MRPL48: variants seen among roughly 807,000 people sequenced by gnomAD.
MRPL48 encodes the protein mitochondrial ribosomal protein L48.
Under a neutral mutation model 32.9 loss-of-function variants are expected in MRPL48, and 16 were observed. The ratio of observed to expected loss-of-function variants is 0.49; its 90% CI spans 0.33 to 0.74. MRPL48 has a LOEUF of 0.74. MRPL48 is among the 30% of genes least tolerant of loss of function. The pLI is 0.02. For missense variants in MRPL48, 206 were observed against 245.3 expected, an observed-to-expected ratio of 0.84 and a Z score of 1.07; for synonymous variants, 94 against 89.2, an observed-to-expected ratio of 1.05 and a Z score of -0.31.
intron 3 of MRPL48, among the ~76,000 whole-genome samples, chr11:73,822,844 C>T (rs1042908821): frequency 1.3e-5 from 2 of 152,196 alleles, no homozygotes; most frequent in Admixed American, 1.3e-4. Context: ...CTCCCCATCA[C>T]TCAAGCTATC....
intron 4 of MRPL48, among the ~76,000 whole-genome samples, chr11:73,830,220 G>A (rs1947969052): frequency 6.6e-6 from 1 of 152,174 alleles, no homozygotes; most frequent in Non-Finnish European, 1.5e-5. Flanking sequence ...GTGGTTATTG[G>A]AGCTGCCCTG....
At chr11:73,801,300 C>T (rs1414648479) in intron 1 of MRPL48, among the ~76,000 whole-genome samples, 1 of 152,070 alleles carries the variant, frequency 6.6e-6, no homozygotes, top group African/African-American at 2.4e-5. Flanking sequence ...TATTGTTTGT[C>T]ATGGTTAATA....
chr11:73,813,111 G>C (rs533597155), intron 3 of MRPL48, among the ~76,000 whole-genome samples: 1 of 152,052 alleles, frequency 6.6e-6, no homozygotes, highest in African/African-American at 2.4e-5. Flanking sequence ...TGTGTGTCTT[G>C]AATTTGTCAT....
At chr11:73,833,000 A>C (rs1948023264) in intron 4 of MRPL48, among the ~76,000 whole-genome samples, 1 of 152,186 alleles carries the variant, frequency 6.6e-6, no homozygotes, top group Non-Finnish European at 1.5e-5. Flanking sequence ...ACTAGGGAAT[A>C]AACTAAATAT....
At chr11:73,840,932 A>C (rs1166986345) in intron 4 of MRPL48, among the ~76,000 whole-genome samples, 2 of 152,226 alleles carry the variant, frequency 1.3e-5, no homozygotes, top group African/African-American at 4.8e-5. Flanking sequence ...CAAATCAATA[A>C]GAGAAAGGCA....
At chr11:73,851,320 C>A in intron 5 of MRPL48, 1 of 228,938 alleles carries the variant, frequency 4.4e-6, no homozygotes, top group Non-Finnish European at 8.9e-6. Context: ...CAGTAACTTG[C>A]CTGGATTTAA....
intron 1 of MRPL48, among the ~76,000 whole-genome samples, chr11:73,789,944 A>G (rs1947117496): frequency 6.6e-6 from 1 of 151,778 alleles, no homozygotes; most frequent in Non-Finnish European, 1.5e-5. Flanking sequence ...CACCCAGGCT[A>G]GAGTGCAATG....
rs531412073 is a variant in MRPL48 at position 73,834,981 on chromosome 11, G to A, written c.201+9185G>A. ...TGAGTAGCTGGGACCACAGGTACAC[G>A]CCATCACACAGGGCTAATTTTTAAA... is the stretch of plus-strand genomic sequence containing the variant. On this transcript the variant is annotated intron_variant, in intron 4 of 7. Coordinates refer to ENST00000310614, the MANE Select transcript of MRPL48 (RefSeq NM_016055.6). Among the ~76,000 whole-genome samples, 362 of 151,716 alleles carry A rather than the reference G, an allele frequency of 2.4e-3. 3 individuals carry two copies. The highest frequency in any genetic ancestry group is 8.3e-3 in the African/African-American group (345 of 41,334).
intron 4 of MRPL48, among the ~76,000 whole-genome samples, chr11:73,827,474 C>A (rs1383474572): frequency 6.6e-6 from 1 of 152,082 alleles, no homozygotes; most frequent in Non-Finnish European, 1.5e-5. Context: ...AATTATTTAG[C>A]CCATTTCTTT....
chr11:73,814,999 T>TAAATAAAG (rs1424868725), intron 3 of MRPL48, among the ~76,000 whole-genome samples: 1 of 150,710 alleles, frequency 6.6e-6, no homozygotes, highest in African/African-American at 2.4e-5. Flanking sequence ...GTCTCATAAA[T>TAAATAAAG]AAATAAATAA....
At chr11:73,794,943 C>A (rs1947228594) in intron 1 of MRPL48, among the ~76,000 whole-genome samples, 1 of 149,392 alleles carries the variant, frequency 6.7e-6, no homozygotes, top group South Asian at 2.1e-4. Context: ...TGGAGTCTTG[C>A]TCCGTCGCCC....
intron 3 of MRPL48, among the ~76,000 whole-genome samples, chr11:73,812,134 C>T (rs184483585): frequency 3.4e-4 from 52 of 152,262 alleles, no homozygotes; most frequent in African/African-American, 1.2e-3. Flanking sequence ...GATCCAACCG[C>T]CTCGGCCTCC....
chr11:73,847,361 G>A (rs977299078), intron 5 of MRPL48, among the ~76,000 whole-genome samples: 1 of 151,580 alleles, frequency 6.6e-6, no homozygotes, highest in African/African-American at 2.4e-5. Flanking sequence ...TGATATGTCT[G>A]TTTAAATCTT....
chr11:73,803,750 G>A (rs902659511), intron 1 of MRPL48, among the ~76,000 whole-genome samples: 4 of 151,190 alleles, frequency 2.6e-5, no homozygotes, highest in East Asian at 1.9e-4. Context: ...TTTCTTTCCC[G>A]TAAAACAAAC....
chr11:73,833,190 C>G (rs1948027494), intron 4 of MRPL48, among the ~76,000 whole-genome samples: 1 of 151,716 alleles, frequency 6.6e-6, no homozygotes, highest in Non-Finnish European at 1.5e-5. Flanking sequence ...TAAAGCTGAA[C>G]TGGACACTCC....
chr11:73,839,711 C>T (rs1406764729), intron 4 of MRPL48, among the ~76,000 whole-genome samples: 1 of 152,182 alleles, frequency 6.6e-6, no homozygotes, highest in African/African-American at 2.4e-5. Flanking sequence ...TCTCCATGAT[C>T]TTAAGGTAGG....
intron 4 of MRPL48, among the ~76,000 whole-genome samples, chr11:73,833,028 G>A (rs1311069001): frequency 1.3e-5 from 2 of 152,084 alleles, no homozygotes; most frequent in Non-Finnish European, 2.9e-5. Context: ...ACAAAGATAA[G>A]CAATTCCTTC....
intron 3 of MRPL48, among the ~76,000 whole-genome samples, chr11:73,824,542 A>T (rs1023959939): frequency 6.6e-6 from 1 of 151,798 alleles, no homozygotes; most frequent in African/African-American, 2.4e-5. Flanking sequence ...CTGAGATCGC[A>T]CCACTGCACT....
intron 5 of MRPL48, among the ~76,000 whole-genome samples, chr11:73,847,523 C>T: frequency 6.6e-6 from 1 of 151,920 alleles, no homozygotes. Flanking sequence ...TCACTGCAAA[C>T]TCTGCCTCTC....
Sources: allele counts gnomAD v4.1 joint callset (sites outside exome capture counted in the v4.1 genomes callset), GRCh38; gene constraint gnomAD v4.1.1; transcripts MANE v1.5; gene names NCBI Gene and HGNC (gene_info 2026-07-23, HGNC 2026-07-21).